The following ZFHX3 variants were observed in gnomAD, a reference collection of about 807,000 sequenced individuals.
ZFHX3 encodes zinc finger homeobox 3.
Under a neutral mutation model 279.1 loss-of-function variants are expected in ZFHX3, and 42 were observed. The ratio of observed to expected loss-of-function variants is 0.15; its 90% CI spans 0.12 to 0.19. The LOEUF (loss-of-function observed/expected upper bound fraction) is 0.19. Among genes scored for constraint, ZFHX3 ranks in the 10% least tolerant of loss-of-function variants. The pLI is 1.00. For synonymous variants in ZFHX3, 2,293 were observed against 1,957.8 expected, an observed-to-expected ratio of 1.17 and a Z score of -4.52; for missense variants, 4,981 against 4,754.0, an observed-to-expected ratio of 1.05 and a Z score of -1.40.
At chr16:73,502,416 CAATT>C (rs1567503090) in intron 2 of ZFHX3, among the ~76,000 whole-genome samples, 1 of 152,206 alleles carries the variant, frequency 6.6e-6, no homozygotes, top group African/African-American at 2.4e-5. Flanking sequence ...TAATTGACCA[CAATT>C]AATAGGGTCA....
At chr16:73,528,414 C>T (rs2019732406) in intron 2 of ZFHX3, among the ~76,000 whole-genome samples, 1 of 152,220 alleles carries the variant, frequency 6.6e-6, no homozygotes, top group Non-Finnish European at 1.5e-5. Flanking sequence ...TCTATCTATG[C>T]TTTCAACAAC....
At chr16:73,445,280 G>A (rs1030789659) in intron 3 of ZFHX3, among the ~76,000 whole-genome samples, 1 of 149,592 alleles carries the variant, frequency 6.7e-6, no homozygotes, top group South Asian at 2.1e-4. Context: ...GTATATATGT[G>A]TGTATATATA....
intron 8 of ZFHX3, among the ~76,000 whole-genome samples, chr16:73,082,494 C>T (rs1965960272): frequency 6.6e-6 from 1 of 152,108 alleles, no homozygotes; most frequent in Non-Finnish European, 1.5e-5. Context: ...TGGTCTCGAT[C>T]TCCTGACCTC....
chr16:73,861,799 A>C (rs981348564), intron 1 of ZFHX3, among the ~76,000 whole-genome samples: 1 of 152,204 alleles, frequency 6.6e-6, no homozygotes, highest in African/African-American at 2.4e-5. Context: ...TTCTGTGTAC[A>C]AATTATTTGG....
intron 1 of ZFHX3, among the ~76,000 whole-genome samples, chr16:72,997,479 C>T (rs908954112): frequency 6.6e-6 from 1 of 152,186 alleles, no homozygotes; most frequent in Non-Finnish European, 1.5e-5. Context: ...AAGGAGGCAG[C>T]GACTCAGTCT....
At chr16:73,561,305 A>G (rs113903173) in intron 2 of ZFHX3, among the ~76,000 whole-genome samples, 20 of 152,340 alleles carry the variant, frequency 1.3e-4, no homozygotes, top group African/African-American at 4.3e-4. Context: ...GTCATTCTGC[A>G]TGAAATATCT....
chr16:73,052,237 C>G (rs1179815784), upstream of ZFHX3, among the ~76,000 whole-genome samples: 1 of 151,816 alleles, frequency 6.6e-6, no homozygotes, highest in Non-Finnish European at 1.5e-5. Flanking sequence ...AATCCCAACA[C>G]GGTATCCATT....
intron 1 of ZFHX3, among the ~76,000 whole-genome samples, chr16:73,046,955 G>T (rs1049334060): frequency 4.6e-5 from 7 of 152,192 alleles, no homozygotes; most frequent in Non-Finnish European, 1.0e-4. Context: ...ACTTAAGCCA[G>T]TTTAACACAG....
chr16:72,889,487 T>TAAAA (rs372928371), intron 4 of ZFHX3, among the ~76,000 whole-genome samples: 1 of 115,898 alleles, frequency 8.6e-6, no homozygotes, highest in Non-Finnish European at 1.8e-5. Flanking sequence ...CAATTTCCTT[T>TAAAA]AAAAAAAAAA....
chr16:73,771,734 G>A (rs550332814), intron 1 of ZFHX3, among the ~76,000 whole-genome samples: 277 of 151,354 alleles, frequency 1.8e-3, no homozygotes, highest in Non-Finnish European at 3.0e-3. Context: ...TCTGCTCACT[G>A]TCCAGTCCTT....
intron 8 of ZFHX3, among the ~76,000 whole-genome samples, chr16:73,077,177 A>C (rs1249671995): frequency 6.6e-6 from 1 of 152,176 alleles, no homozygotes; most frequent in East Asian, 1.9e-4. Flanking sequence ...TGTTGGATGG[A>C]GCAGGTTCAA....
At chr16:73,128,835 G>A (rs1177496765) in intron 7 of ZFHX3, among the ~76,000 whole-genome samples, 2 of 152,176 alleles carry the variant, frequency 1.3e-5, no homozygotes, top group African/African-American at 4.8e-5. Flanking sequence ...CTTAGCATTA[G>A]AAGAGACCAT....
At chr16:73,121,449 CTTGT>C (rs1489159166) in intron 7 of ZFHX3, among the ~76,000 whole-genome samples, 1 of 152,080 alleles carries the variant, frequency 6.6e-6, no homozygotes, top group Non-Finnish European at 1.5e-5. Context: ...ACACACATGG[CTTGT>C]ACTGTGTTTC....
chr16:73,448,017 C>A, intron 3 of ZFHX3, among the ~76,000 whole-genome samples: 1 of 152,042 alleles, frequency 6.6e-6, no homozygotes, highest in East Asian at 1.9e-4. Context: ...ATTCTTTATC[C>A]ACAAGCAGTC....
intron 3 of ZFHX3, among the ~76,000 whole-genome samples, chr16:73,377,986 T>C (rs1214199131): frequency 8.9e-5 from 11 of 123,378 alleles, no homozygotes; most frequent in Non-Finnish European, 1.3e-4. Context: ...TGAGCCAAGA[T>C]TGCACCACTG....
At chr16:73,803,588 T>C (rs1960195205) in intron 1 of ZFHX3, among the ~76,000 whole-genome samples, 1 of 152,232 alleles carries the variant, frequency 6.6e-6, no homozygotes, top group Non-Finnish European at 1.5e-5. Context: ...AGAAGGATGT[T>C]TATTTAATTC....
Position 72,992,599 on chromosome 16 carries a change from G to T in ZFHX3, c.-49-32405C>A, listed in dbSNP as rs1053451705. 5.9e-5 allele frequency among the ~76,000 whole-genome samples: 9 copies of T among 152,182 alleles called. No homozygotes were observed. In the South Asian group the frequency reaches 1.9e-3, roughly 31 times the overall value. Reference sequence around the variant, plus strand: ...GCATTTACTCACAGCCAAAAGAGGGGACTCAGCCACATTTCTCATGGAGGC... The same window carrying T: ...GCATTTACTCACAGCCAAAAGAGGGTACTCAGCCACATTTCTCATGGAGGC... On this transcript the variant is annotated intron_variant, in intron 1 of 9. Coordinates refer to ENST00000268489, the MANE Select transcript of ZFHX3 (RefSeq NM_006885.4).
chr16:73,754,652 T>C (rs1430316665), intron 1 of ZFHX3, among the ~76,000 whole-genome samples: 3 of 152,216 alleles, frequency 2.0e-5, no homozygotes, highest in African/African-American at 7.2e-5. Flanking sequence ...ACTTTGTTTT[T>C]CAGACCTTTA....
intron 2 of ZFHX3, among the ~76,000 whole-genome samples, chr16:73,655,952 C>T (rs2052717532): frequency 6.6e-6 from 1 of 152,074 alleles, no homozygotes; most frequent in Admixed American, 6.6e-5. Context: ...TGCAAAATCC[C>T]TAACTGAAAA....
Sources: gnomAD v4.1 joint callset for allele counts (sites outside exome capture counted in the v4.1 genomes callset) on GRCh38, gnomAD v4.1.1 for gene constraint, MANE v1.5 for transcripts, NCBI Gene and HGNC (gene_info 2026-07-23, HGNC 2026-07-21) for gene names.